AKT3: variants seen among roughly 807,000 people sequenced by gnomAD.
AKT3 encodes the protein RAC-gamma serine/threonine-protein kinase.
AKT3 carries 15 observed loss-of-function variants against 65.3 expected under a neutral mutation model. That is an observed-to-expected ratio of 0.23 (90% CI 0.15 to 0.35). AKT3 has a LOEUF of 0.35. Ranked by LOEUF, AKT3 falls within the 10% of genes least tolerant of loss-of-function variation. The pLI, the probability that AKT3 is intolerant of heterozygous loss-of-function variation, is 1.00. For missense variants in AKT3, 243 were observed against 576.5 expected, an observed-to-expected ratio of 0.42 and a Z score of 5.92; for synonymous variants, 206 against 183.8, an observed-to-expected ratio of 1.12 and a Z score of -0.98.
At chr1:243,508,675 TTTTTTTA>T (rs1175646506) in intron 13 of AKT3, among the ~76,000 whole-genome samples, 2 of 81,518 alleles carry the variant, frequency 2.5e-5, no homozygotes, top group Non-Finnish European at 6.7e-5. Context: ...TTTTTTTTTT[TTTTTTTA>T]AAAGACAGAG....
At chr1:243,595,212 G>A (rs1326050657) in intron 8 of AKT3, among the ~76,000 whole-genome samples, 1 of 152,160 alleles carries the variant, frequency 6.6e-6, no homozygotes, top group Non-Finnish European at 1.5e-5. Flanking sequence ...CTAGGCAGGT[G>A]TAACACAATG....
Position 243,542,176 on chromosome 1 carries a change from C to T in AKT3, c.1251+3334G>A, listed in dbSNP as rs563288107. Among the ~76,000 whole-genome samples the T allele has an allele frequency of 4.6e-5, 7 of 152,238 alleles. No homozygotes were observed. The South Asian group carries it at 1.0e-3, about 23-fold the overall frequency. The stretch of plus-strand genomic sequence containing the variant: ...GCAGACTGACAGAGTGTAAAATTTA[C>T]GTAGAAATCTATATAGACATTAATC... On this transcript the variant is annotated intron_variant, in intron 12 of 13. Transcript: ENST00000673466.
At chr1:243,785,063 ATTT>A (rs764079943) in intron 2 of AKT3, among the ~76,000 whole-genome samples, 3 of 134,880 alleles carry the variant, frequency 2.2e-5, no homozygotes, top group African/African-American at 2.8e-5. Context: ...GTCCAACTCA[ATTT>A]TTTTTTTTTT....
intron 4 of AKT3, among the ~76,000 whole-genome samples, chr1:243,653,672 C>G (rs182921228): frequency 6.6e-6 from 1 of 152,204 alleles, no homozygotes; most frequent in Non-Finnish European, 1.5e-5. Context: ...AGCTCCTCTA[C>G]CAAGTGCTGA....
At chr1:243,757,863 C>A (rs570433245) in intron 2 of AKT3, among the ~76,000 whole-genome samples, 22 of 151,864 alleles carry the variant, frequency 1.4e-4, no homozygotes, top group African/African-American at 5.1e-4. Context: ...CAGGTTCAAG[C>A]GATTCTGGTG....
chr1:243,718,594 C>T (rs1478041450), intron 2 of AKT3, among the ~76,000 whole-genome samples: 3 of 151,850 alleles, frequency 2.0e-5, no homozygotes, highest in Non-Finnish European at 4.4e-5. Flanking sequence ...ACCCTTACAG[C>T]TGGGATTACA....
At chr1:243,714,400 T>G (rs1686367178) in intron 2 of AKT3, among the ~76,000 whole-genome samples, 1 of 152,144 alleles carries the variant, frequency 6.6e-6, no homozygotes, top group Non-Finnish European at 1.5e-5. Context: ...TTCATTGGAG[T>G]GTTTCTAAGT....
chr1:243,745,235 G>C (rs953901957), intron 2 of AKT3, among the ~76,000 whole-genome samples: 1 of 152,104 alleles, frequency 6.6e-6, no homozygotes, highest in Admixed American at 6.5e-5. Flanking sequence ...AGCTACTCAA[G>C]AGGCTGAGGT....
chr1:243,730,588 C>T (rs1687492817), intron 2 of AKT3, among the ~76,000 whole-genome samples: 1 of 152,204 alleles, frequency 6.6e-6, no homozygotes, highest in African/African-American at 2.4e-5. Context: ...CTTCTGCCTG[C>T]ATTGGGCAGC....
chr1:243,618,080 G>C (rs755703465), intron 6 of AKT3, among the ~76,000 whole-genome samples: 1 of 151,974 alleles, frequency 6.6e-6, no homozygotes, highest in African/African-American at 2.4e-5. Context: ...TTTTCAGTGG[G>C]GTATTACATT....
chr1:243,544,534 T>C (rs1241405861), intron 12 of AKT3, among the ~76,000 whole-genome samples: 1 of 152,056 alleles, frequency 6.6e-6, no homozygotes, highest in Non-Finnish European at 1.5e-5. Flanking sequence ...GAGAGGATAC[T>C]TGAGCCTGGG....
chr1:243,750,442 C>G (rs1375983843), intron 2 of AKT3, among the ~76,000 whole-genome samples: 1 of 151,976 alleles, frequency 6.6e-6, no homozygotes, highest in South Asian at 2.1e-4. Context: ...CACGCACGCA[C>G]GCACACACGG....
intron 12 of AKT3, among the ~76,000 whole-genome samples, chr1:243,513,494 T>C (rs1246140783): frequency 2.0e-5 from 3 of 152,172 alleles, no homozygotes; most frequent in African/African-American, 7.2e-5. Context: ...TCCCACTCTT[T>C]CTGTCACCAA....
intron 2 of AKT3, among the ~76,000 whole-genome samples, chr1:243,808,804 G>C (rs1438636847): frequency 6.6e-6 from 1 of 152,194 alleles, no homozygotes; most frequent in Non-Finnish European, 1.5e-5. Flanking sequence ...CCCACAAAAG[G>C]GAAGCCCATC....
chr1:243,731,822 A>G (rs1687590158), intron 2 of AKT3, among the ~76,000 whole-genome samples: 1 of 152,192 alleles, frequency 6.6e-6, no homozygotes, highest in South Asian at 2.1e-4. Context: ...TTCATTTATA[A>G]TTTCAGGATT....
chr1:243,625,933 G>A (rs537674064), intron 6 of AKT3, among the ~76,000 whole-genome samples: 49 of 152,234 alleles, frequency 3.2e-4, no homozygotes, highest in African/African-American at 1.2e-3. Flanking sequence ...TGTAAAATTT[G>A]TTTACCCTGA....
intron 3 of AKT3, among the ~76,000 whole-genome samples, chr1:243,690,204 A>T (rs1257058709): frequency 2.0e-5 from 3 of 152,086 alleles, no homozygotes; most frequent in Non-Finnish European, 4.4e-5. Flanking sequence ...CAGAAGTAGG[A>T]TAAGCCCAAG....
intron 2 of AKT3, among the ~76,000 whole-genome samples, chr1:243,747,797 C>T (rs975180649): frequency 6.6e-6 from 1 of 152,138 alleles, no homozygotes; most frequent in Non-Finnish European, 1.5e-5. Flanking sequence ...AAATGTAAGA[C>T]AGTTCACTTA....
intron 2 of AKT3, among the ~76,000 whole-genome samples, chr1:243,699,080 A>T (rs1685250415): frequency 6.6e-6 from 1 of 152,134 alleles, no homozygotes. Flanking sequence ...TAAAATATGG[A>T]CAGAAAGTCC....
Sources: gnomAD v4.1 joint callset for allele counts (sites outside exome capture counted in the v4.1 genomes callset) on GRCh38, gnomAD v4.1.1 for gene constraint, MANE v1.5 for transcripts, NCBI Gene and HGNC (gene_info 2026-07-23, HGNC 2026-07-21) for gene names.